STPG2: variants seen among roughly 807,000 people sequenced by gnomAD.
The protein encoded by STPG2 is sperm tail PG-rich repeat containing 2.
In STPG2, 56 loss-of-function variants were observed where a neutral mutation model predicts 54.2. The ratio of observed to expected loss-of-function variants is 1.03; its 90% CI spans 0.83 to 1.29. The LOEUF is 1.29. STPG2 is among the 50% of genes most tolerant of loss of function. STPG2 has a pLI of 0.00. For missense variants in STPG2, 596 were observed against 544.9 expected (o/e 1.09, Z -0.93); for synonymous variants, 200 against 181.8 (o/e 1.10, Z -0.81).
In STPG2 at chr4:97,719,415, G is replaced by A. The variant is rs369682464; in HGVS notation, c.1205-6601C>T. Among the ~76,000 whole-genome samples the A allele has an allele frequency of 1.6e-3, 239 of 151,992 alleles. 1 individual carries two copies. Among genetic ancestry groups the A allele is most frequent in the African/African-American group, 5.5e-3 (227 of 41,510 alleles). ...GAATCATCCCAATTAGTGTAAAAAT[G>A]AAGATTCCTTGGATTCATCCCAAAA... On this transcript the variant is annotated intron_variant, in intron 9 of 10. Coordinates refer to ENST00000295268, the MANE Select transcript of STPG2 (RefSeq NM_174952.3).
Position 98,076,695 on chromosome 4 carries a change from G to A in STPG2, c.612+29258C>T, listed in dbSNP as rs149516051. 1.5e-3 allele frequency among the ~76,000 whole-genome samples: 229 copies of A among 152,154 alleles called. 1 individual carries two copies. Among genetic ancestry groups the A allele is most frequent in the African/African-American group, 5.3e-3 (221 of 41,508 alleles). Reference sequence around the variant, plus strand: ...TTGGAAGACATTTGATGTAAGAGTCGCAAATGCCAGCAATATCTCTAAAGG... The same window carrying A: ...TTGGAAGACATTTGATGTAAGAGTCACAAATGCCAGCAATATCTCTAAAGG... On this transcript the variant is annotated intron_variant, in intron 5 of 10. Coordinates refer to ENST00000295268, the MANE Select transcript of STPG2 (RefSeq NM_174952.3).
intron 8 of STPG2, among the ~76,000 whole-genome samples, chr4:97,895,505 C>T (rs1730923146): frequency 6.6e-6 from 1 of 151,770 alleles, no homozygotes; most frequent in Non-Finnish European, 1.5e-5. Context: ...TATGGCTTGA[C>T]ATGTACTTAT....
chr4:98,030,296 C>A (rs137970763), intron 5 of STPG2, among the ~76,000 whole-genome samples: 2 of 152,156 alleles, frequency 1.3e-5, no homozygotes, highest in East Asian at 1.9e-4. Context: ...GCACAGCTCA[C>A]ATAGGCAAAT....
intron 3 of STPG2, among the ~76,000 whole-genome samples, chr4:98,118,588 T>C (rs763101129): frequency 2.6e-5 from 4 of 152,120 alleles, no homozygotes; most frequent in Non-Finnish European, 5.9e-5. Context: ...TCTTACTCTG[T>C]CCATTGAGAT....
intron 6 of STPG2, among the ~76,000 whole-genome samples, chr4:97,973,798 A>G (rs1026515266): frequency 6.6e-6 from 1 of 152,104 alleles, no homozygotes; most frequent in African/African-American, 2.4e-5. Flanking sequence ...CTACGTATGG[A>G]AATTCCTGGA....
intron 5 of STPG2, among the ~76,000 whole-genome samples, chr4:97,983,808 G>A (rs955740647): frequency 2.0e-5 from 3 of 152,136 alleles, no homozygotes; most frequent in African/African-American, 7.2e-5. Flanking sequence ...CATTCACAGA[G>A]AATGAGAGGG....
At chr4:97,841,502 TAA>T (rs1728801645) in intron 8 of STPG2, among the ~76,000 whole-genome samples, 1 of 151,822 alleles carries the variant, frequency 6.6e-6, no homozygotes, top group African/African-American at 2.4e-5. Flanking sequence ...AAATGAAATA[TAA>T]GTGCCATATA....
At position 97,943,903 on chromosome 4, in the gene STPG2, T is replaced by C. The variant is rs982207790; in HGVS notation, c.1038A>G (p.Pro346=). 6.4e-7 allele frequency: 1 copy of C among 1,568,492 alleles called. No homozygotes were observed. The highest frequency in any genetic ancestry group is 8.6e-7 in the Non-Finnish European group (1 of 1,162,512). ...ATTGTAGGAGTATTCTTACCATATC[T>C]GGTACTTTCATAGTTCTTTTGGCTC... ...LSRAKRTMKV[P]DMVIPAPGSY... is the part of the protein sequence containing the mutation. Residue 346 remains proline (P), a synonymous_variant, in exon 8 of 11, where the codon CCA becomes CCG. Coordinates refer to ENST00000295268, the MANE Select transcript of STPG2 (RefSeq NM_174952.3).
chr4:97,518,994 C>A (rs766275254), intron 4 of STPG2, among the ~76,000 whole-genome samples: 1 of 151,980 alleles, frequency 6.6e-6, no homozygotes, highest in Non-Finnish European at 1.5e-5. Context: ...AATGACCCAA[C>A]TATTTGTAGA....
At chr4:97,511,846 A>G (rs1207446822) in intron 4 of STPG2, among the ~76,000 whole-genome samples, 2 of 152,100 alleles carry the variant, frequency 1.3e-5, no homozygotes, top group African/African-American at 4.8e-5. Context: ...TTTGCAAGAA[A>G]AAAAGGAAGA....
chr4:98,085,741 C>A (rs1289284315), intron 5 of STPG2, among the ~76,000 whole-genome samples: 1 of 151,876 alleles, frequency 6.6e-6, no homozygotes, highest in Admixed American at 6.6e-5. Context: ...GTGTGACCTT[C>A]CTATACTCAC....
chr4:97,690,872 T>C (rs1029896776), intron 10 of STPG2, among the ~76,000 whole-genome samples: 1 of 152,220 alleles, frequency 6.6e-6, no homozygotes, highest in Non-Finnish European at 1.5e-5. Flanking sequence ...ATACCCACTG[T>C]TCTTCAAGAG....
intron 10 of STPG2, among the ~76,000 whole-genome samples, chr4:97,601,370 A>G (rs922370636): frequency 2.0e-5 from 3 of 152,226 alleles, no homozygotes; most frequent in Non-Finnish European, 4.4e-5. Flanking sequence ...AGAATCTTAT[A>G]TAAGTATAGA....
chr4:97,704,818 G>A (rs1723891189), intron 10 of STPG2, among the ~76,000 whole-genome samples: 1 of 151,910 alleles, frequency 6.6e-6, no homozygotes, highest in Non-Finnish European at 1.5e-5. Flanking sequence ...AGCTACAATT[G>A]AAAATTTTCC....
chr4:98,119,890 C>T (rs914000207), intron 3 of STPG2, among the ~76,000 whole-genome samples: 1 of 152,132 alleles, frequency 6.6e-6, no homozygotes, highest in African/African-American at 2.4e-5. Flanking sequence ...CAGCTCCATC[C>T]ATGTCCCTGC....
intron 6 of STPG2, 109 bp from the exon 7 acceptor site, chr4:97,972,549 A>T (rs1734369531): frequency 3.2e-6 from 2 of 623,048 alleles, no homozygotes; most frequent in East Asian, 6.7e-5. Flanking sequence ...AAACCCTCAC[A>T]TATTTCTGGC....
At chr4:97,645,738 C>T (rs2148949104) in intron 10 of STPG2, among the ~76,000 whole-genome samples, 1 of 152,192 alleles carries the variant, frequency 6.6e-6, no homozygotes, top group South Asian at 2.1e-4. Flanking sequence ...CCTTTCTGGC[C>T]AACTTCATGG....
intron 8 of STPG2, among the ~76,000 whole-genome samples, chr4:97,903,387 G>GA (rs1349751960): frequency 6.7e-6 from 1 of 149,588 alleles, no homozygotes; most frequent in Non-Finnish European, 1.5e-5. Flanking sequence ...ATTATAGCTG[G>GA]AAAAAATTAA....
intron 5 of STPG2, among the ~76,000 whole-genome samples, chr4:98,032,795 A>C (rs1736640980): frequency 6.6e-6 from 1 of 152,190 alleles, no homozygotes; most frequent in Non-Finnish European, 1.5e-5. Flanking sequence ...AAACTCACTC[A>C]AACCCACACA....
Sources: allele counts gnomAD v4.1 joint callset (sites outside exome capture counted in the v4.1 genomes callset), GRCh38; gene constraint gnomAD v4.1.1; transcripts MANE v1.5; gene names NCBI Gene and HGNC (gene_info 2026-07-23, HGNC 2026-07-21).